Variants in ATP8A2 observed in about 807,000 individuals in gnomAD.
ATP8A2 encodes phospholipid-transporting ATPase IB.
ATP8A2 carries 100 observed loss-of-function variants against 165.6 expected under a neutral mutation model. The observed-to-expected ratio is 0.60, with a 90% CI of 0.51 to 0.71. The LOEUF (loss-of-function observed/expected upper bound fraction) is 0.71. Ranked by LOEUF, ATP8A2 falls within the 30% of genes least tolerant of loss-of-function variation. The probability of loss-of-function intolerance (pLI) is 0.00; values close to 1 mark genes in which losing one functional copy is unlikely to be tolerated. For missense variants in ATP8A2, 1,227 were observed against 1,479.5 expected (o/e 0.83, Z 2.80); for synonymous variants, 543 against 548.8 (o/e 0.99, Z 0.15).
chr13:25,823,877 T>C (rs1951241653), intron 27 of ATP8A2, among the ~76,000 whole-genome samples: 1 of 152,178 alleles, frequency 6.6e-6, no homozygotes, highest in South Asian at 2.1e-4. Flanking sequence ...ATACATCTTT[T>C]TGGGAATTTT....
chr13:25,850,423 A>T (rs116131808), intron 30 of ATP8A2, among the ~76,000 whole-genome samples: 1 of 105,412 alleles, frequency 9.5e-6, no homozygotes, highest in Non-Finnish European at 1.8e-5. Context: ...TCCGCGCCCA[A>T]TACAGGCTGG....
At chr13:25,713,414 A>C (rs977248032) in intron 25 of ATP8A2, among the ~76,000 whole-genome samples, 3 of 152,168 alleles carry the variant, frequency 2.0e-5, no homozygotes, top group Admixed American at 2.0e-4. Flanking sequence ...GAACAAATTT[A>C]TATTAGCCCA....
rs1291051752 is a variant in ATP8A2 at position 25,530,665 on chromosome 13, GT to G, written c.420+10del. 1.3e-6 allele frequency: 2 copies of G among 1,544,774 alleles called. No homozygotes were observed. The highest frequency in any genetic ancestry group is 8.9e-7 in the Non-Finnish European group (1 of 1,128,824). Reference sequence around the variant, plus strand: ...AAAGAGATTGTAGAAGATTTTGTAAGTTTTTGCTTTTGGATAATAAAATCAT... The same window carrying G: ...AAAGAGATTGTAGAAGATTTTGTAAGTTTTGCTTTTGGATAATAAAATCAT... On this transcript the variant is annotated splice_donor_region_variant and intron_variant, in intron 4 of 36. Coordinates refer to ENST00000381655, the MANE Select transcript of ATP8A2 (RefSeq NM_016529.6).
chr13:25,728,688 G>C (rs1382154806), intron 25 of ATP8A2, among the ~76,000 whole-genome samples: 2 of 151,980 alleles, frequency 1.3e-5, no homozygotes, highest in South Asian at 2.1e-4. Context: ...TTTTGAGAAG[G>C]GGGGAGCACC....
At chr13:25,760,347 T>G (rs574583975) in intron 25 of ATP8A2, among the ~76,000 whole-genome samples, 1 of 152,354 alleles carries the variant, frequency 6.6e-6, no homozygotes, top group African/African-American at 2.4e-5. Flanking sequence ...GCCTCATGTC[T>G]AAATCAATTG....
At chr13:25,375,906 C>G (rs2032608204) in intron 1 of ATP8A2, among the ~76,000 whole-genome samples, 1 of 152,088 alleles carries the variant, frequency 6.6e-6, no homozygotes, top group Non-Finnish European at 1.5e-5. Context: ...CCCTGGAGCC[C>G]TCCTCTAAAT....
At chr13:25,411,287 A>G (rs2033956763) in intron 1 of ATP8A2, among the ~76,000 whole-genome samples, 2 of 152,230 alleles carry the variant, frequency 1.3e-5, no homozygotes, top group South Asian at 4.1e-4. Context: ...CAGAAGGAGA[A>G]TATCAGGTGT....
intron 33 of ATP8A2, among the ~76,000 whole-genome samples, chr13:25,908,492 G>T (rs928982916): frequency 1.3e-5 from 2 of 152,152 alleles, no homozygotes; most frequent in Non-Finnish European, 2.9e-5. Flanking sequence ...AATAGACCAG[G>T]GTGTCCACAA....
chr13:25,825,439 A>G (rs559612176), intron 27 of ATP8A2, among the ~76,000 whole-genome samples: 1 of 152,142 alleles, frequency 6.6e-6, no homozygotes, highest in African/African-American at 2.4e-5. Context: ...GATTACAGGC[A>G]TAAGTCACTA....
intron 35 of ATP8A2, among the ~76,000 whole-genome samples, chr13:25,997,865 A>T (rs1162802716): frequency 6.6e-6 from 1 of 151,672 alleles, no homozygotes; most frequent in Admixed American, 6.6e-5. Context: ...CATTTTTACC[A>T]TGGCTACTTT....
chr13:25,955,368 T>C (rs1483801735), intron 33 of ATP8A2, among the ~76,000 whole-genome samples: 4 of 151,952 alleles, frequency 2.6e-5, no homozygotes, highest in Admixed American at 2.0e-4. Flanking sequence ...ACAAAATAAA[T>C]AGACTGCTAG....
chr13:25,598,696 C>T lies in ATP8A2; in HGVS notation c.2211+8997C>T, dbSNP rs1194970524. On this transcript the variant is annotated intron_variant, in intron 24 of 36. Coordinates refer to ENST00000381655, the MANE Select transcript of ATP8A2 (RefSeq NM_016529.6). ...ATTTAAATTCCTCCTCTGCTAATTC[C>T]ACTTCTTTGTCATTTATGGGTCTGT... 2.0e-5 allele frequency among the ~76,000 whole-genome samples: 3 copies of T among 151,924 alleles called. 1 individual carries two copies. The highest frequency in any genetic ancestry group is 7.3e-5 in the African/African-American group (3 of 41,356).
At chr13:25,948,932 G>A (rs574491837) in intron 33 of ATP8A2, among the ~76,000 whole-genome samples, 1 of 152,330 alleles carries the variant, frequency 6.6e-6, no homozygotes, top group South Asian at 2.1e-4. Flanking sequence ...AGACTGTGCA[G>A]CCCCTCCTGG....
At chr13:25,474,070 T>A (rs2035923003) in intron 2 of ATP8A2, among the ~76,000 whole-genome samples, 1 of 152,140 alleles carries the variant, frequency 6.6e-6, no homozygotes, top group South Asian at 2.1e-4. Context: ...GTTAGGAATG[T>A]TTATAGTTAC....
chr13:25,771,759 G>C (rs183857136), intron 26 of ATP8A2, among the ~76,000 whole-genome samples: 1 of 152,244 alleles, frequency 6.6e-6, no homozygotes, highest in Non-Finnish European at 1.5e-5. Flanking sequence ...TGGGGATGCT[G>C]TTACTTCAGG....
chr13:25,741,168 C>T (rs565945452), intron 25 of ATP8A2, among the ~76,000 whole-genome samples: 1 of 152,270 alleles, frequency 6.6e-6, no homozygotes, highest in Non-Finnish European at 1.5e-5. Context: ...AAAATCATCA[C>T]CAATTCTCAA....
At chr13:25,545,151 C>T (rs2038606581) in intron 10 of ATP8A2, among the ~76,000 whole-genome samples, 1 of 151,682 alleles carries the variant, frequency 6.6e-6, no homozygotes, top group African/African-American at 2.4e-5. Context: ...AGGGTAGGGG[C>T]CCAGGTGCAG....
intron 24 of ATP8A2, among the ~76,000 whole-genome samples, chr13:25,694,989 T>A (rs2042805345): frequency 6.6e-6 from 1 of 152,228 alleles, no homozygotes; most frequent in Admixed American, 6.5e-5. Flanking sequence ...TCTTTGTTTT[T>A]AATAAAAGTC....
At chr13:25,880,377 CAA>C (rs10641772) in intron 33 of ATP8A2, among the ~76,000 whole-genome samples, 28 of 91,618 alleles carry the variant, frequency 3.1e-4, no homozygotes, top group Middle Eastern at 6.0e-3. Context: ...TCAGGAACAA[CAA>C]AAAAAAAAAA....
Sources: allele counts gnomAD v4.1 joint callset (sites outside exome capture counted in the v4.1 genomes callset), GRCh38; gene constraint gnomAD v4.1.1; transcripts MANE v1.5; gene names NCBI Gene and HGNC (gene_info 2026-07-23, HGNC 2026-07-21).